The following POPDC3 variants were observed in gnomAD, a reference collection of about 807,000 sequenced individuals.
POPDC3 encodes the protein popeye domain cAMP effector 3.
In POPDC3, 20 loss-of-function variants were observed where a neutral mutation model predicts 28.2. That is an observed-to-expected ratio of 0.71 (90% CI 0.50 to 1.03). The LOEUF (loss-of-function observed/expected upper bound fraction) is 1.03, where lower values mean the gene tolerates loss of function less well. Ranked by LOEUF, POPDC3 falls within the 50% of genes least tolerant of loss-of-function variation. The pLI is 0.00. For missense variants in POPDC3, 316 were observed against 345.9 expected, an observed-to-expected ratio of 0.91 and a Z score of 0.69; for synonymous variants, 118 against 124.1, an observed-to-expected ratio of 0.95 and a Z score of 0.33.
chr6:105,163,231 GAAAT>G (rs897751727), intron 1 of POPDC3, among the ~76,000 whole-genome samples: 1 of 152,102 alleles, frequency 6.6e-6, no homozygotes, highest in African/African-American at 2.4e-5. Flanking sequence ...ATCATATGAT[GAAAT>G]AAATATTAAT....
rs781117972 is a variant in POPDC3, at chr6:105,159,883, G to T, written c.486-64C>A. ...AAAGAGAGCACATAATTGGGGAGGG[G>T]TGGGGGGTAGAGGAAGTGTATTTCA... On this transcript the variant is annotated intron_variant, in intron 2 of 3. Coordinates refer to ENST00000254765, the MANE Select transcript of POPDC3 (RefSeq NM_022361.5). The T allele has an allele frequency of 9.0e-6, 10 of 1,112,922 alleles. No individual in the cohort carries two copies. The African/African-American group carries it at 1.4e-4, about 16-fold the overall frequency. 68.9% of individuals were successfully genotyped at this position (1,112,922 alleles called of 1,614,324 possible).
chr6:105,158,851 T>G (rs2114522304), intron 3 of POPDC3, 100 bp from the exon 4 acceptor site: 1 of 1,095,032 alleles, frequency 9.1e-7, no homozygotes, highest in East Asian at 2.4e-5. Flanking sequence ...CGTGCTGCCT[T>G]TTTTTTAGGT....
chr6:105,160,395 G>A (rs1582988190), intron 2 of POPDC3, among the ~76,000 whole-genome samples: 3 of 151,772 alleles, frequency 2.0e-5, no homozygotes, highest in African/African-American at 7.3e-5. Context: ...TGTATTTTTA[G>A]TAGAGACAGG....
intron 1 of POPDC3, chr6:105,169,913 A>C (rs1258254959): frequency 6.6e-6 from 1 of 152,194 alleles, no homozygotes; most frequent in African/African-American, 2.4e-5. Flanking sequence ...GTACAATTTC[A>C]ATAAATATCT....
chr6:105,163,716 C>A (rs1203421642), intron 1 of POPDC3: 1 of 151,854 alleles, frequency 6.6e-6, no homozygotes, highest in East Asian at 1.9e-4. Flanking sequence ...CCTGATTTTT[C>A]ATCTTGGATA....
chr6:105,158,524 G>A lies in POPDC3; in HGVS notation c.822C>T (p.Arg274=). 1 of 1,613,994 alleles carries A rather than the reference G, an allele frequency of 6.2e-7. No individual in the cohort carries two copies. Among genetic ancestry groups the A allele is most frequent in the Non-Finnish European group, 8.5e-7 (1 of 1,179,936 alleles). The change falls in exon 4 of 4, where the codon CGC becomes CGT. Residue 274 remains arginine, a synonymous_variant. Coordinates refer to ENST00000254765, the MANE Select transcript of POPDC3 (RefSeq NM_022361.5). The stretch of plus-strand genomic sequence containing the variant: ...GAAAATGTTGTGTCAGGGGTGATCT[G>A]CGTATTTCTGGAGTTGACATTTGAT... The part of the protein sequence containing the change: ...NFYQMSTPEI[R]RSPLTQHFQN...
At chr6:105,170,127 A>G (rs1269238073) in intron 1 of POPDC3, among the ~76,000 whole-genome samples, 1 of 152,152 alleles carries the variant, frequency 6.6e-6, no homozygotes, top group Non-Finnish European at 1.5e-5. Context: ...TCTACTTCTC[A>G]AGCTTGCCAT....
At position 105,158,229 on chromosome 6, in the gene POPDC3, G is replaced by C. The variant is rs1458603271; in HGVS notation, c.*241C>G. The C allele has an allele frequency of 6.9e-6, 3 of 432,318 alleles. No homozygotes were observed. The highest frequency in any genetic ancestry group is 6.0e-5 in the African/African-American group (3 of 50,252). 26.8% of individuals were successfully genotyped at this position (432,318 alleles called of 1,614,324 possible). On this transcript the variant is annotated 3_prime_UTR_variant, in exon 4 of 4. Transcript: ENST00000254765. ...TTCTCCCAGTTTTGATGCAGAAAAG[G>C]GCAAACTGCCCATAGTTATCCACCC...
intron 1 of POPDC3, among the ~76,000 whole-genome samples, chr6:105,173,631 C>T (rs867773665): frequency 6.6e-6 from 1 of 152,084 alleles, no homozygotes; most frequent in Non-Finnish European, 1.5e-5. Context: ...AGTTAGAATC[C>T]AAATATCCTC....
At chr6:105,166,057 A>C (rs889306509) in intron 1 of POPDC3, among the ~76,000 whole-genome samples, 1 of 152,230 alleles carries the variant, frequency 6.6e-6, no homozygotes, top group African/African-American at 2.4e-5. Context: ...TCAATGTCAC[A>C]TTGCTTATAA....
intron 2 of POPDC3, among the ~76,000 whole-genome samples, chr6:105,160,869 G>A (rs1284287396): frequency 2.0e-5 from 3 of 151,912 alleles, no homozygotes; most frequent in South Asian, 4.2e-4. Context: ...CAAAAGTGCT[G>A]GGATTACAGG....
rs1327173039 is a variant in POPDC3, at chr6:105,172,893, G to C, written c.-252+6940C>G. On this transcript the variant is annotated intron_variant, in intron 1 of 3. Transcript: ENST00000254765. The stretch of plus-strand genomic sequence containing the variant: ...ACACACTGGGGCCTGTTGTGGGGTG[G>C]GGGGAGGGGGGAGGGATAGCATTAG... Among the ~76,000 whole-genome samples the C allele has an allele frequency of 8.6e-5, 10 of 116,556 alleles. No individual in the cohort carries two copies. The Admixed American group carries it at 9.4e-4, about 11-fold the overall frequency. 76.5% of individuals were successfully genotyped at this position (116,556 alleles called of 152,430 possible).
At chr6:105,166,536 T>G in intron 1 of POPDC3, 2 of 470,644 alleles carry the variant, frequency 4.2e-6, no homozygotes, top group Middle Eastern at 3.3e-4. Flanking sequence ...TAATCCTTGT[T>G]TTTAAAGAGC....
chr6:105,162,629 T>G (rs1774363742), intron 1 of POPDC3, among the ~76,000 whole-genome samples: 1 of 152,178 alleles, frequency 6.6e-6, no homozygotes, highest in African/African-American at 2.4e-5. Context: ...CTACTCAGGA[T>G]GCTGAGGCAC....
At chr6:105,179,497 G>T (rs1238002248) in intron 1 of POPDC3, among the ~76,000 whole-genome samples, 1 of 152,150 alleles carries the variant, frequency 6.6e-6, no homozygotes, top group Non-Finnish European at 1.5e-5. Context: ...GAAAAGATCT[G>T]GGAGGAATAT....
Position 105,161,902 on chromosome 6 carries a change from C to G in POPDC3, c.8G>C (p.Arg3Thr). ...TAGGTTCTTCCATAAACTTGAATTTCTTTCCATGGCTGTATTACTGCCTGC... is the reference window on the plus strand; with the variant it reads ...TAGGTTCTTCCATAAACTTGAATTTGTTTCCATGGCTGTATTACTGCCTGC... ME[R>T]NSSLWKNLID... The change falls in exon 2 of 4, where the codon AGA (arginine) becomes ACA (threonine). Residue 3 changes from arginine to threonine, a missense_variant. Arg to Thr is a moderately conservative substitution (Grantham distance 71). Transcript: ENST00000254765. 3.1e-6 allele frequency: 5 copies of G among 1,596,158 alleles called. No individual in the cohort carries two copies.
rs533264918 is a variant in POPDC3 at position 105,158,451 on chromosome 6, T to C, written c.*19A>G. 6.7e-5 allele frequency: 105 copies of C among 1,575,420 alleles called. No individual in the cohort carries two copies. The highest frequency in any genetic ancestry group is 8.2e-5 in the Non-Finnish European group (95 of 1,159,772). ...AAGAGAGAGTCTTTTTTTATACTTA[T>C]AAATTTCAGACTTTGATGTCATTTA... On this transcript the variant is annotated 3_prime_UTR_variant, in exon 4 of 4. Coordinates refer to ENST00000254765, the MANE Select transcript of POPDC3 (RefSeq NM_022361.5).
intron 1 of POPDC3, among the ~76,000 whole-genome samples, chr6:105,174,776 C>G (rs1220803700): frequency 1.3e-5 from 2 of 152,170 alleles, no homozygotes; most frequent in Non-Finnish European, 2.9e-5. Context: ...CAAAATCTAG[C>G]CAATCAAAGG....
intron 1 of POPDC3, among the ~76,000 whole-genome samples, chr6:105,175,857 G>T (rs9486048): frequency 3.0e-4 from 41 of 137,442 alleles, no homozygotes; most frequent in African/African-American, 5.0e-4. Flanking sequence ...AATAAATAAA[G>T]AAAGAAAGAA....
Sources: gnomAD v4.1 joint callset for allele counts (sites outside exome capture counted in the v4.1 genomes callset) on GRCh38, gnomAD v4.1.1 for gene constraint, MANE v1.5 for transcripts, NCBI Gene and HGNC (gene_info 2026-07-23, HGNC 2026-07-21) for gene names.